Variants in DPP6 observed in about 807,000 individuals in gnomAD.
The protein encoded by DPP6 is dipeptidyl peptidase like 6, also known as A-type potassium channel modulatory protein DPP6.
Under a neutral mutation model 122.6 loss-of-function variants are expected in DPP6, and 69 were observed. The ratio of observed to expected loss-of-function variants is 0.56; its 90% CI spans 0.46 to 0.69. The LOEUF (loss-of-function observed/expected upper bound fraction) is 0.69. DPP6 is among the 30% of genes least tolerant of loss of function. DPP6 has a pLI of 0.00. For synonymous variants in DPP6, 418 were observed against 433.1 expected (o/e 0.97, Z 0.43); for missense variants, 928 against 1,116.9 (o/e 0.83, Z 2.41).
intron 6 of DPP6, among the ~76,000 whole-genome samples, chr7:154,662,466 A>G (rs34363050): frequency 0.034 from 1,493 of 43,286 alleles, 58 homozygotes; most frequent in Middle Eastern, 0.13. Flanking sequence ...ATGGCGTATC[A>G]GCCGTAGTGT....
intron 1 of DPP6, among the ~76,000 whole-genome samples, chr7:153,993,251 G>C (rs565961536): frequency 3.3e-5 from 5 of 152,186 alleles, no homozygotes; most frequent in African/African-American, 1.2e-4. Flanking sequence ...GCAATGAACA[G>C]ATGAATGAAC....
At chr7:154,533,981 G>A (rs1409711575) in intron 3 of DPP6, among the ~76,000 whole-genome samples, 2 of 147,948 alleles carry the variant, frequency 1.4e-5, no homozygotes, top group Admixed American at 1.4e-4. Context: ...CTAGGTAACA[G>A]AGCAAGACCC....
chr7:154,678,987 G>A (rs373048135), intron 7 of DPP6, among the ~76,000 whole-genome samples: 1 of 140,524 alleles, frequency 7.1e-6, no homozygotes, highest in Non-Finnish European at 1.5e-5. Context: ...TACTATTTGG[G>A]TTAATCGTCT....
At position 154,821,663 on chromosome 7, in the gene DPP6, TACACATATATATATACAC is replaced by T. The variant is rs1554477686; in HGVS notation, c.1666+14575_1666+14592del. 9.0e-6 allele frequency among the ~76,000 whole-genome samples: 1 copy of T among 110,664 alleles called. No homozygotes were observed. Among genetic ancestry groups the T allele is most frequent in the Non-Finnish European group, 1.8e-5 (1 of 56,214 alleles). 72.6% of individuals were successfully genotyped at this position (110,664 alleles called of 152,430 possible). A position where few individuals can be genotyped will look rare whatever the true frequency, so the allele number is the denominator to read the frequency against. On this transcript the variant is annotated intron_variant, in intron 16 of 25. Coordinates refer to ENST00000377770, the MANE Select transcript of DPP6 (RefSeq NM_130797.4). The surrounding 1 kb of genome is among the most constrained non-coding windows in gnomAD (Gnocchi z 4.2). ...ATATATATACACATATATATATATATACACATATATATATACACACACATATATATATACACACACACA... is the reference window on the plus strand; with the variant it reads ...ATATATATACACATATATATATATATACACATATATATATACACACACACA...
chr7:154,132,061 A>G (rs1246953739), intron 1 of DPP6, among the ~76,000 whole-genome samples: 1 of 152,116 alleles, frequency 6.6e-6, no homozygotes, highest in Non-Finnish European at 1.5e-5. Flanking sequence ...CTTCCTCCTA[A>G]ATTTAACCTA....
chr7:154,458,784 A>G (rs2151311993), intron 2 of DPP6, among the ~76,000 whole-genome samples: 1 of 152,224 alleles, frequency 6.6e-6, no homozygotes, highest in South Asian at 2.1e-4. Context: ...TTGGAAGACC[A>G]TGAACTGGAC....
chr7:154,890,442 C>T (rs1426382254), intron 25 of DPP6: 1 of 152,278 alleles, frequency 6.6e-6, no homozygotes, highest in African/African-American at 2.4e-5. Flanking sequence ...GGGGTTACAC[C>T]ACACTTGAGT....
At chr7:154,596,853 C>T (rs1325352207) in intron 5 of DPP6, among the ~76,000 whole-genome samples, 1 of 152,156 alleles carries the variant, frequency 6.6e-6, no homozygotes, top group Non-Finnish European at 1.5e-5. Context: ...CTTCTGACTT[C>T]TGAAAGGAAT....
At chr7:154,392,327 G>T (rs1814696352) in intron 1 of DPP6, among the ~76,000 whole-genome samples, 1 of 152,148 alleles carries the variant, frequency 6.6e-6, no homozygotes. Context: ...CTAAGAAATG[G>T]GTGGGTGTAA....
chr7:154,853,149 A>G (rs1802542161), intron 16 of DPP6, among the ~76,000 whole-genome samples: 1 of 152,256 alleles, frequency 6.6e-6, no homozygotes, highest in Non-Finnish European at 1.5e-5. Context: ...TTTGCTAAGA[A>G]GAATCGAGAA....
chr7:154,348,550 T>G (rs956696461), intron 1 of DPP6, among the ~76,000 whole-genome samples: 1 of 152,170 alleles, frequency 6.6e-6, no homozygotes, highest in Non-Finnish European at 1.5e-5. Context: ...CCAAAGCACG[T>G]AGAAGTCATT....
At chr7:154,288,087 G>A (rs1186825439) in intron 1 of DPP6, among the ~76,000 whole-genome samples, 1 of 152,216 alleles carries the variant, frequency 6.6e-6, no homozygotes, top group Non-Finnish European at 1.5e-5. Context: ...GTTCCCCGCA[G>A]TCACATACCT....
Position 154,892,631 on chromosome 7 carries a change from G to T in DPP6, c.*151G>T. ...TGTCTCGGATGCGGAAGGCAGTTTT[G>T]CTTGGGAAACAAGCTCCTTCCCCGG... is the stretch of plus-strand genomic sequence containing the variant. On this transcript the variant is annotated 3_prime_UTR_variant, in exon 26 of 26. Coordinates refer to ENST00000377770, the MANE Select transcript of DPP6 (RefSeq NM_130797.4). The T allele has an allele frequency of 6.8e-7, 1 of 1,475,176 alleles. No individual in the cohort carries two copies. 91.4% of individuals were successfully genotyped at this position (1,475,176 alleles called of 1,614,324 possible).
chr7:154,522,273 CT>C (rs1184406136), intron 3 of DPP6, among the ~76,000 whole-genome samples: 1 of 152,170 alleles, frequency 6.6e-6, no homozygotes, highest in Non-Finnish European at 1.5e-5. Flanking sequence ...CACGCCTGGC[CT>C]CATTCTTATT....
At position 154,636,937 on chromosome 7, in the gene DPP6, T is replaced by A. The variant is rs560534140; in HGVS notation, c.628-884T>A. ...ACATTTAGCCACATAGGGCACCAGC[T>A]CTCAGAGGTTTCACAAGTAAAGGAA... On this transcript the variant is annotated intron_variant, in intron 5 of 25. Coordinates refer to ENST00000377770, the MANE Select transcript of DPP6 (RefSeq NM_130797.4). Among the ~76,000 whole-genome samples, 17 of 152,270 alleles carry A rather than the reference T, an allele frequency of 1.1e-4. 1 individual carries two copies. The South Asian group carries it at 3.3e-3, about 30-fold the overall frequency.
intron 1 of DPP6, among the ~76,000 whole-genome samples, chr7:154,369,538 T>G (rs1812467685): frequency 6.6e-6 from 1 of 151,990 alleles, no homozygotes; most frequent in East Asian, 1.9e-4. Flanking sequence ...CCGGCTAATT[T>G]TTGTATTAGT....
chr7:154,072,661 T>A (rs1200547560), intron 1 of DPP6, among the ~76,000 whole-genome samples: 1 of 152,294 alleles, frequency 6.6e-6, no homozygotes, highest in African/African-American at 2.4e-5. Flanking sequence ...AGTGTGGTGT[T>A]TTTCATTGCA....
chr7:154,150,640 G>C (rs553265123), intron 1 of DPP6, among the ~76,000 whole-genome samples: 17 of 152,348 alleles, frequency 1.1e-4, no homozygotes, highest in Admixed American at 1.0e-3. Flanking sequence ...CACCTAGGAT[G>C]GCTTCCAGTA....
intron 8 of DPP6, among the ~76,000 whole-genome samples, chr7:154,762,556 G>A (rs1451951830): frequency 1.3e-5 from 2 of 152,256 alleles, no homozygotes; most frequent in East Asian, 3.8e-4. Flanking sequence ...CGCAGACTGA[G>A]CATGGCATTG....
Sources: gnomAD v4.1 joint callset for allele counts (sites outside exome capture counted in the v4.1 genomes callset) on GRCh38, gnomAD v4.1.1 for gene constraint, Gnocchi (gnomAD v3.1) non-coding constraint, MANE v1.5 for transcripts, NCBI Gene and HGNC (gene_info 2026-07-23, HGNC 2026-07-21) for gene names.